Variants in NPEPPS observed in about 807,000 individuals in gnomAD.
The protein encoded by NPEPPS is aminopeptidase puromycin sensitive, also known as puromycin-sensitive aminopeptidase.
Under a neutral mutation model 115.5 loss-of-function variants are expected in NPEPPS, and 14 were observed. The ratio of observed to expected loss-of-function variants is 0.12; its 90% CI spans 0.08 to 0.19. The LOEUF (loss-of-function observed/expected upper bound fraction) is 0.19, where lower values mean the gene tolerates loss of function less well. NPEPPS is among the 10% of genes least tolerant of loss of function. The probability of loss-of-function intolerance (pLI) is 1.00; values close to 1 mark genes in which losing one functional copy is unlikely to be tolerated. For synonymous variants in NPEPPS, 285 were observed against 390.6 expected (o/e 0.73, Z 3.19); for missense variants, 523 against 1,110.8 (o/e 0.47, Z 7.52).
At chr17:47,523,915 G>A (rs1350361416) in intron 1 of NPEPPS, among the ~76,000 whole-genome samples, 6 of 152,060 alleles carry the variant, frequency 3.9e-5, no homozygotes, top group African/African-American at 1.4e-4. Context: ...TATTTGTCAG[G>A]CTAGTACTTG....
At chr17:47,557,445 A>G (rs1478898055) in intron 2 of NPEPPS, 1 of 143,046 alleles carries the variant, frequency 7.0e-6, no homozygotes, top group East Asian at 2.1e-4. Flanking sequence ...TTTATAACTC[A>G]TCAATCATAG....
chr17:47,611,794 T>TGA (rs1913891920), intron 17 of NPEPPS, among the ~76,000 whole-genome samples: 3 of 152,176 alleles, frequency 2.0e-5, no homozygotes, highest in Non-Finnish European at 4.4e-5. Flanking sequence ...TTTAACCTTT[T>TGA]GAGGGACTGC....
At chr17:47,569,979 C>T (rs528171058) in intron 3 of NPEPPS, among the ~76,000 whole-genome samples, 15 of 152,236 alleles carry the variant, frequency 9.9e-5, no homozygotes, top group Admixed American at 3.9e-4. Flanking sequence ...TTTCCTTCTG[C>T]GGAAGTTGGG....
chr17:47,542,046 C>A (rs889677191), intron 1 of NPEPPS, among the ~76,000 whole-genome samples: 1 of 152,120 alleles, frequency 6.6e-6, no homozygotes, highest in African/African-American at 2.4e-5. Flanking sequence ...TAAATGATTA[C>A]CCATATACAG....
intron 2 of NPEPPS, among the ~76,000 whole-genome samples, chr17:47,559,281 A>T (rs1399141951): frequency 6.6e-6 from 1 of 151,944 alleles, no homozygotes; most frequent in East Asian, 1.9e-4. Flanking sequence ...GCTTCAAGGG[A>T]TTCTCTCACC....
chr17:47,524,018 G>T (rs1251908583), intron 1 of NPEPPS, among the ~76,000 whole-genome samples: 1 of 151,212 alleles, frequency 6.6e-6, no homozygotes, highest in African/African-American at 2.4e-5. Flanking sequence ...TAAGAGACAG[G>T]ATTTCGGCCG....
rs2663736 is a variant in NPEPPS at position 47,539,768 on chromosome 17, A to G, written c.256-6141A>G. ...GACCTTCTGCAAGTGGCTCTTTTCA[A>G]TGTTTCTTGTTAGAAAACTTGGCTC... On this transcript the variant is annotated intron_variant, in intron 1 of 22. Coordinates refer to ENST00000322157, the MANE Select transcript of NPEPPS (RefSeq NM_006310.4). Among the ~76,000 whole-genome samples the G allele has an allele frequency of 3.0e-3, 459 of 152,234 alleles. 1 individual carries two copies. Among genetic ancestry groups the G allele is most frequent in the Admixed American group, 5.1e-3 (78 of 15,272 alleles).
chr17:47,565,011 C>T (rs919663428), intron 2 of NPEPPS, among the ~76,000 whole-genome samples: 1 of 152,128 alleles, frequency 6.6e-6, no homozygotes, highest in African/African-American at 2.4e-5. Context: ...ATTCATTCTA[C>T]AGATACTTAC....
At chr17:47,535,471 A>C (rs918317496) in intron 1 of NPEPPS, among the ~76,000 whole-genome samples, 4 of 150,488 alleles carry the variant, frequency 2.7e-5, no homozygotes, top group African/African-American at 9.8e-5. Context: ...GAATGGTGTG[A>C]ACCCGGGAGG....
intron 2 of NPEPPS, among the ~76,000 whole-genome samples, chr17:47,548,832 C>T (rs1451304344): frequency 3.3e-5 from 5 of 151,800 alleles, no homozygotes; most frequent in Admixed American, 3.3e-4. Context: ...GCCTCAGCCT[C>T]CCAAAGTGTT....
chr17:47,580,137 A>G (rs1441557679), intron 4 of NPEPPS: 1 of 152,164 alleles, frequency 6.6e-6, no homozygotes, highest in Non-Finnish European at 1.5e-5. Context: ...TAAAGAAACA[A>G]TTCATGATAT....
chr17:47,542,824 C>A (rs1035964034), intron 1 of NPEPPS, among the ~76,000 whole-genome samples: 1 of 152,046 alleles, frequency 6.6e-6, no homozygotes, highest in African/African-American at 2.4e-5. Context: ...TGCATATAAG[C>A]AAGGTTATGA....
chr17:47,561,516 GT>G (rs1429089568), intron 2 of NPEPPS, among the ~76,000 whole-genome samples: 1 of 152,014 alleles, frequency 6.6e-6, no homozygotes, highest in Non-Finnish European at 1.5e-5. Flanking sequence ...TTTATTCTTG[GT>G]TTTTGAAGTG....
chr17:47,614,042 A>G (rs748937937), intron 19 of NPEPPS, among the ~76,000 whole-genome samples: 7 of 151,488 alleles, frequency 4.6e-5, no homozygotes, highest in Non-Finnish European at 1.0e-4. Context: ...ATAATCATGG[A>G]TCACTGCAGC....
At chr17:47,540,155 C>A (rs1189122591) in intron 1 of NPEPPS, among the ~76,000 whole-genome samples, 1 of 151,976 alleles carries the variant, frequency 6.6e-6, no homozygotes, top group African/African-American at 2.4e-5. Context: ...TTTGGTACAG[C>A]CCTTACTTAG....
rs548374813 is a variant in NPEPPS at position 47,622,146 on chromosome 17, A to T, written c.*226A>T. 2 of 1,185,122 alleles carry T rather than the reference A, an allele frequency of 1.7e-6. No homozygotes were observed. The highest frequency in any genetic ancestry group is 2.1e-6 in the Non-Finnish European group (2 of 936,822). 73.4% of individuals were successfully genotyped at this position (1,185,122 alleles called of 1,614,324 possible). A position where few individuals can be genotyped will look rare whatever the true frequency, so the allele number is the denominator to read the frequency against. On this transcript the variant is annotated 3_prime_UTR_variant, in exon 23 of 23. Coordinates refer to ENST00000322157, the MANE Select transcript of NPEPPS (RefSeq NM_006310.4). ...AAATAAATAAAAAATAAAAATGTAA[A>T]TATGATAGTAATAAAATAGAGCATA... is the stretch of plus-strand genomic sequence containing the variant.
Position 47,566,213 on chromosome 17 carries a change from A to G in NPEPPS, c.341-3204A>G, listed in dbSNP as rs567414460. 2.0e-4 allele frequency among the ~76,000 whole-genome samples: 30 copies of G among 152,282 alleles called. 1 individual carries two copies. Among genetic ancestry groups the G allele is most frequent in the African/African-American group, 7.2e-4 (30 of 41,546 alleles). On this transcript the variant is annotated intron_variant, in intron 2 of 22. Transcript: ENST00000322157. ...AGGTTGATTTTGAACTCCTGGGTTC[A>G]AGTGATCCTCCTGCCTTGGCCTCCC...
chr17:47,524,866 C>G (rs1283777944), intron 1 of NPEPPS, among the ~76,000 whole-genome samples: 1 of 146,296 alleles, frequency 6.8e-6, no homozygotes, highest in African/African-American at 2.5e-5. Flanking sequence ...TGGTCTTGAA[C>G]TCTTGGCCTC....
chr17:47,562,458 TTGA>T (rs1331430943), intron 2 of NPEPPS, among the ~76,000 whole-genome samples: 1 of 152,120 alleles, frequency 6.6e-6, no homozygotes, highest in Non-Finnish European at 1.5e-5. Flanking sequence ...GTCTACTGTG[TTGA>T]TGATTGTGGT....
Sources: allele counts gnomAD v4.1 joint callset (sites outside exome capture counted in the v4.1 genomes callset), GRCh38; gene constraint gnomAD v4.1.1; transcripts MANE v1.5; gene names NCBI Gene and HGNC (gene_info 2026-07-23, HGNC 2026-07-21).